Variants in UST observed in about 807,000 individuals in gnomAD.
UST encodes the protein uronyl 2-sulfotransferase, also known as chondroitin sulfate 2-O-sulfotransferase.
In UST, 21 loss-of-function variants were observed where a neutral mutation model predicts 45.6. That is an observed-to-expected ratio of 0.46 (90% CI 0.33 to 0.66). The LOEUF (loss-of-function observed/expected upper bound fraction) is 0.66. UST is among the 30% of genes least tolerant of loss of function. The pLI is 0.02. For missense variants in UST, 463 were observed against 512.4 expected, an observed-to-expected ratio of 0.90 and a Z score of 0.93; for synonymous variants, 215 against 200.6, an observed-to-expected ratio of 1.07 and a Z score of -0.61.
chr6:148,936,206 C>T (rs1207743793), intron 2 of UST, among the ~76,000 whole-genome samples: 1 of 152,090 alleles, frequency 6.6e-6, no homozygotes, highest in Admixed American at 6.5e-5. Flanking sequence ...GTAATATCTA[C>T]ATAGTGTAAA....
intron 7 of UST, among the ~76,000 whole-genome samples, chr6:149,071,739 T>C (rs1187445441): frequency 6.6e-6 from 1 of 152,106 alleles, no homozygotes; most frequent in Non-Finnish European, 1.5e-5. Flanking sequence ...TATGTGCAGA[T>C]TATCTAAAAT....
chr6:148,780,689 G>C (rs1776626856), intron 1 of UST, among the ~76,000 whole-genome samples: 1 of 152,154 alleles, frequency 6.6e-6, no homozygotes, highest in African/African-American at 2.4e-5. Context: ...GTCTGCCATT[G>C]ATGGGCATTT....
chr6:148,840,106 A>G (rs950447754), intron 1 of UST, among the ~76,000 whole-genome samples: 4 of 152,204 alleles, frequency 2.6e-5, no homozygotes, highest in Non-Finnish European at 5.9e-5. Context: ...GTTTGGTACA[A>G]TGATATTGAG....
chr6:148,747,726 T>C, intron 1 of UST, 49 bp downstream of exon 1: 1 of 1,513,992 alleles, frequency 6.6e-7, no homozygotes, highest in East Asian at 2.5e-5. Context: ...CGCAAAGTTG[T>C]GCGGCGGGGA....
At chr6:149,012,905 G>A (rs887284894) in intron 5 of UST, among the ~76,000 whole-genome samples, 12 of 152,058 alleles carry the variant, frequency 7.9e-5, no homozygotes, top group Non-Finnish European at 1.3e-4. Flanking sequence ...AATAAAGATG[G>A]CATAATCTTA....
At chr6:148,771,467 A>G (rs2114673880) in intron 1 of UST, among the ~76,000 whole-genome samples, 1 of 152,312 alleles carries the variant, frequency 6.6e-6, no homozygotes, top group East Asian at 1.9e-4. Flanking sequence ...GTCTAAAGCA[A>G]AATGTTCCAG....
At chr6:148,984,181 C>G (rs755237532) in intron 5 of UST, among the ~76,000 whole-genome samples, 1 of 152,208 alleles carries the variant, frequency 6.6e-6, no homozygotes, top group African/African-American at 2.4e-5. Context: ...TGCACAGCAC[C>G]TACTCTGTAG....
At chr6:148,920,995 T>C (rs1275006316) in intron 2 of UST, among the ~76,000 whole-genome samples, 1 of 152,204 alleles carries the variant, frequency 6.6e-6, no homozygotes, top group Non-Finnish European at 1.5e-5. Context: ...CTCTCCTCAT[T>C]AGGCATTTCT....
chr6:148,998,655 C>T (rs946576866), intron 5 of UST, among the ~76,000 whole-genome samples: 4 of 152,110 alleles, frequency 2.6e-5, no homozygotes, highest in South Asian at 2.1e-4. Flanking sequence ...GGCTAAGTAG[C>T]GGGTAGGGAT....
At chr6:148,894,813 G>GTTT (rs1562292274) in intron 2 of UST, among the ~76,000 whole-genome samples, 22 of 96,322 alleles carry the variant, frequency 2.3e-4, no homozygotes, top group African/African-American at 3.6e-4. Flanking sequence ...TAATTTCAGT[G>GTTT]CTTTTTTTTT....
At position 148,993,356 on chromosome 6, in the gene UST, C is replaced by T. The variant is rs138362125; in HGVS notation, c.682-25783C>T. Among the ~76,000 whole-genome samples the T allele has an allele frequency of 1.9e-3, 278 of 148,786 alleles. 1 individual carries two copies. The highest frequency in any genetic ancestry group is 6.5e-3 in the African/African-American group (264 of 40,446). On this transcript the variant is annotated intron_variant, in intron 5 of 7. Transcript: ENST00000367463. ...TTGAGAATTCTCCAGTGGGAGTTTC[C>T]AAAAGTTTGGTTACTCTTTTTGAAA...
At chr6:149,021,635 A>G (rs753404447) in intron 7 of UST, among the ~76,000 whole-genome samples, 154 bp downstream of exon 7, 5 of 152,254 alleles carry the variant, frequency 3.3e-5, no homozygotes, top group Non-Finnish European at 7.3e-5. Flanking sequence ...AGTTAGAACC[A>G]GGAGCTGCAG....
intron 2 of UST, among the ~76,000 whole-genome samples, chr6:148,896,885 G>A (rs1275079985): frequency 6.6e-6 from 1 of 152,144 alleles, no homozygotes; most frequent in Non-Finnish European, 1.5e-5. Flanking sequence ...TACTCTAAAT[G>A]AGTACGTCAC....
intron 1 of UST, among the ~76,000 whole-genome samples, chr6:148,805,354 C>A (rs1777128018): frequency 6.6e-6 from 1 of 152,162 alleles, no homozygotes; most frequent in Admixed American, 6.5e-5. Flanking sequence ...AATGAATAAT[C>A]TGCCTGCAGT....
intron 1 of UST, among the ~76,000 whole-genome samples, chr6:148,831,801 A>T (rs997949332): frequency 4.6e-5 from 7 of 152,126 alleles, no homozygotes; most frequent in African/African-American, 1.7e-4. Context: ...CTTAAAAAAA[A>T]TAAAAAAAAG....
intron 1 of UST, among the ~76,000 whole-genome samples, chr6:148,836,978 C>T (rs1777795980): frequency 6.6e-6 from 1 of 152,150 alleles, no homozygotes; most frequent in South Asian, 2.1e-4. Flanking sequence ...GAATCAGGAT[C>T]ATTTTCCTCA....
At chr6:148,785,656 ATTC>A (rs368710319) in intron 1 of UST, among the ~76,000 whole-genome samples, 2 of 152,336 alleles carry the variant, frequency 1.3e-5, no homozygotes, top group African/African-American at 4.8e-5. Flanking sequence ...ACAATAAAGT[ATTC>A]TTAACATCAA....
At chr6:148,951,213 G>A (rs1023230909) in intron 3 of UST, among the ~76,000 whole-genome samples, 1 of 152,204 alleles carries the variant, frequency 6.6e-6, no homozygotes, top group Admixed American at 6.5e-5. Flanking sequence ...ATTGAATTAT[G>A]GGAGTCCGGG....
chr6:148,773,187 T>C (rs954327307), intron 1 of UST, among the ~76,000 whole-genome samples: 7 of 152,248 alleles, frequency 4.6e-5, no homozygotes, highest in Non-Finnish European at 8.8e-5. Flanking sequence ...TGGCCAGGTC[T>C]GGTGGCTCAC....
Sources: gnomAD v4.1 joint callset for allele counts (sites outside exome capture counted in the v4.1 genomes callset) on GRCh38, gnomAD v4.1.1 for gene constraint, MANE v1.5 for transcripts, NCBI Gene and HGNC (gene_info 2026-07-23, HGNC 2026-07-21) for gene names.